The following IFT140 variants were observed in gnomAD, a reference collection of about 807,000 sequenced individuals.
IFT140 encodes intraflagellar transport protein 140 homolog.
Under a neutral mutation model 164.6 loss-of-function variants are expected in IFT140, and 133 were observed. The ratio of observed to expected loss-of-function variants is 0.81; its 90% CI spans 0.70 to 0.93. IFT140 has a LOEUF of 0.93. IFT140 is among the 40% of genes least tolerant of loss of function. The pLI is 0.00. For missense variants in IFT140, 2,045 were observed against 1,972.3 expected, an observed-to-expected ratio of 1.04 and a Z score of -0.70; for synonymous variants, 860 against 817.3, an observed-to-expected ratio of 1.05 and a Z score of -0.89.
Position 1,520,856 on chromosome 16 carries a change from T to C in IFT140, c.3454-48A>G, listed in dbSNP as rs932391. On this transcript the variant is annotated intron_variant, in intron 26 of 30. Transcript: ENST00000426508. ...CGGGGCTGCCGAGGGGGCCGGGAACTGAAGTGCGCCCCTCATCTGCCACCG... is the reference window on the plus strand; with the variant it reads ...CGGGGCTGCCGAGGGGGCCGGGAACCGAAGTGCGCCCCTCATCTGCCACCG... The C allele has an allele frequency of 0.34, 521,435 of 1,542,662 alleles. 100,293 individuals carry two copies. Among genetic ancestry groups the C allele is most frequent in the African/African-American group, 0.77 (56,864 of 74,204 alleles).
chr16:1,581,406 C>A (rs1021514043), intron 12 of IFT140, among the ~76,000 whole-genome samples: 11 of 151,948 alleles, frequency 7.2e-5, no homozygotes, highest in African/African-American at 2.7e-4. Flanking sequence ...TTGAAACCAG[C>A]CTGGCCAACA....
At chr16:1,513,757 T>C (rs1221494955) in intron 30 of IFT140, among the ~76,000 whole-genome samples, 1 of 149,190 alleles carries the variant, frequency 6.7e-6, no homozygotes, top group East Asian at 2.2e-4. Context: ...CACTGCAAGC[T>C]CCGCCTCCCG....
intron 18 of IFT140, among the ~76,000 whole-genome samples, chr16:1,561,126 G>C (rs1230962903): frequency 6.6e-6 from 1 of 152,236 alleles, no homozygotes; most frequent in East Asian, 1.9e-4. Context: ...ACGTGACTCG[G>C]GATGCTCCCA....
At position 1,553,387 on chromosome 16, in the gene IFT140, T is replaced by C; in HGVS notation, c.2399+4548A>G. 5.1e-6 allele frequency: 5 copies of C among 985,314 alleles called. No homozygotes were observed. The highest frequency in any genetic ancestry group is 1.7e-5 in the African/African-American group (1 of 57,332). The allele number at this position is 985,314 out of a possible 1,614,324, so 61.0% of individuals were successfully genotyped here. On this transcript the variant is annotated intron_variant, in intron 19 of 30. Transcript: ENST00000426508. The surrounding 1 kb of genome is among the most constrained non-coding windows in gnomAD (Gnocchi z 4.4). Reference sequence around the variant, plus strand: ...TGGGGCCACACAGGGCAGGGCATGATTTGGTTTCCTGGGGAATGCAGGGGA... The same window carrying C: ...TGGGGCCACACAGGGCAGGGCATGACTTGGTTTCCTGGGGAATGCAGGGGA...
chr16:1,591,223 T>C (rs2035163438), intron 6 of IFT140, among the ~76,000 whole-genome samples: 1 of 152,010 alleles, frequency 6.6e-6, no homozygotes, highest in Non-Finnish European at 1.5e-5. Flanking sequence ...TTCTTCCTTG[T>C]GGGCCTCATC....
chr16:1,589,671 G>A lies in IFT140; in HGVS notation c.744C>T (p.Val248=), dbSNP rs753895616. 1 of 1,614,098 alleles carries A rather than the reference G, an allele frequency of 6.2e-7. No individual in the cohort carries two copies. The highest frequency in any genetic ancestry group is 1.7e-5 in the Admixed American group (1 of 60,022). ...ACAGGGACAGCCGGAGGTTCTCTGTGACCACCACCAGTGCCTCCCTCTTCT... is the reference window on the plus strand; with the variant it reads ...ACAGGGACAGCCGGAGGTTCTCTGTAACCACCACCAGTGCCTCCCTCTTCT... ...YMEKREALVV[V]TENLRLSLYT... is the part of the protein sequence containing the mutation. The change falls in exon 7 of 31, where the codon GTC becomes GTT. Residue 248 remains valine (V), a synonymous_variant. Transcript: ENST00000426508.
intron 4 of IFT140, among the ~76,000 whole-genome samples, chr16:1,596,356 T>G (rs1040335999): frequency 3.3e-5 from 5 of 152,196 alleles, no homozygotes; most frequent in African/African-American, 1.2e-4. Context: ...TTTGATTTTT[T>G]GCACAAGTGA....
chr16:1,530,929 C>A (rs1296165763), intron 19 of IFT140: 3 of 152,420 alleles, frequency 2.0e-5, no homozygotes, highest in African/African-American at 7.2e-5. Flanking sequence ...CGCCCTCCTA[C>A]AGGCCCCTGC....
Position 1,553,220 on chromosome 16 carries a change from G to C in IFT140, c.2399+4715C>G. The C allele has an allele frequency of 1.0e-6, 1 of 977,358 alleles. No individual in the cohort carries two copies. The highest frequency in any genetic ancestry group is 1.8e-5 in the African/African-American group (1 of 57,060). 60.5% of individuals were successfully genotyped at this position (977,358 alleles called of 1,614,324 possible). On this transcript the variant is annotated intron_variant, in intron 19 of 30. Coordinates refer to ENST00000426508, the MANE Select transcript of IFT140 (RefSeq NM_014714.4). This position sits in a 1 kb window ranked among gnomAD's most constrained non-coding sequence, Gnocchi z 4.4. The stretch of plus-strand genomic sequence containing the variant: ...TGTGTCTCTGTCTCTGTCTCTCTCT[G>C]TCTCCATCTGTCTCTGTGTCTGTCT...
At chr16:1,591,182 G>A (rs1371878349) in intron 6 of IFT140, among the ~76,000 whole-genome samples, 1 of 152,112 alleles carries the variant, frequency 6.6e-6, no homozygotes, top group African/African-American at 2.4e-5. Flanking sequence ...CTCCTCCCTG[G>A]CACGCACCCC....
chr16:1,562,327 T>G (rs1200426023), intron 17 of IFT140, among the ~76,000 whole-genome samples: 1 of 152,076 alleles, frequency 6.6e-6, no homozygotes, highest in Non-Finnish European at 1.5e-5. Context: ...AGGACGCACC[T>G]CGTCCAGCTT....
rs149265820 is a variant in IFT140, at chr16:1,526,009, C to T, written c.2646G>A (p.Ala882=). ...HDLLNKFYQA[A]GRWQEALQVA... ...CCTGGAGGGCCTCCTGCCACCGGCC[C>T]GCAGCCTGGTAGAACTTGTTCAGGA... The change falls in exon 21 of 31, where the codon GCG becomes GCA. Residue 882 remains alanine (A), a synonymous_variant. Coordinates refer to ENST00000426508, the MANE Select transcript of IFT140 (RefSeq NM_014714.4). 28 of 1,601,090 alleles carry T rather than the reference C, an allele frequency of 1.7e-5. No individual in the cohort carries two copies. Among genetic ancestry groups the T allele is most frequent in the Middle Eastern group, 1.7e-4 (1 of 5,990 alleles).
In IFT140 at chr16:1,580,820, G is replaced by A; in HGVS notation, c.1463C>T (p.Ala488Val). The change falls in exon 13 of 31, where the codon GCA (alanine) becomes GTA (valine). Residue 488 changes from alanine to valine, a missense_variant. Physicochemically the swap from Ala to Val is moderately conservative, Grantham distance 64. Coordinates refer to ENST00000426508, the MANE Select transcript of IFT140 (RefSeq NM_014714.4). Reference protein sequence around the residue: ...GTFLCETPVLAMHEENVYTVE... With the variant: ...GTFLCETPVLVMHEENVYTVE... The stretch of plus-strand genomic sequence containing the variant: ...CGTGTAAACGTTTTCTTCATGCATT[G>A]CTAACACAGGCGTCTCACACAAGAA... 1 of 1,613,642 alleles carries A rather than the reference G, an allele frequency of 6.2e-7. No individual in the cohort carries two copies. The highest frequency in any genetic ancestry group is 8.5e-7 in the Non-Finnish European group (1 of 1,179,684).
intron 4 of IFT140, among the ~76,000 whole-genome samples, chr16:1,593,449 C>T (rs1217318966): frequency 3.3e-5 from 5 of 151,784 alleles, no homozygotes; most frequent in African/African-American, 9.7e-5. Flanking sequence ...GTAGCTGGGA[C>T]GACAGGTGCA....
At chr16:1,563,770 A>G (rs1220794047) in intron 17 of IFT140, among the ~76,000 whole-genome samples, 1 of 152,062 alleles carries the variant, frequency 6.6e-6, no homozygotes, top group Non-Finnish European at 1.5e-5. Context: ...CCATGCTAGG[A>G]AGATTTTTTT....
chr16:1,530,000 C>A (rs1291323987), intron 19 of IFT140, among the ~76,000 whole-genome samples: 4 of 152,208 alleles, frequency 2.6e-5, no homozygotes, highest in African/African-American at 9.7e-5. Context: ...AGACGTCTCA[C>A]TTCTCTAACA....
intron 17 of IFT140, among the ~76,000 whole-genome samples, 169 bp from the exon 18 acceptor site, chr16:1,562,285 T>C (rs1331764869): frequency 6.6e-6 from 1 of 151,862 alleles, no homozygotes; most frequent in Admixed American, 6.6e-5. Context: ...TTTTATCTGC[T>C]CCACTTGGGA....
In IFT140 at chr16:1,520,075, G is replaced by T. The variant is rs370993439; in HGVS notation, c.3874-28C>A. ...GTACAGATGAAACCCGTCAAGACCTGCCGGGCTCCACAGCCCTCCCCGGGG... is the reference window on the plus strand; with the variant it reads ...GTACAGATGAAACCCGTCAAGACCTTCCGGGCTCCACAGCCCTCCCCGGGG... On this transcript the variant is annotated intron_variant, in intron 28 of 30. Coordinates refer to ENST00000426508, the MANE Select transcript of IFT140 (RefSeq NM_014714.4). 1.7e-5 allele frequency: 27 copies of T among 1,607,942 alleles called. No individual in the cohort carries two copies. In the African/African-American group the frequency reaches 3.6e-4, roughly 22 times the overall value.
intron 13 of IFT140, chr16:1,578,109 C>G (rs2034369162): frequency 6.6e-6 from 1 of 152,190 alleles, no homozygotes; most frequent in Non-Finnish European, 1.5e-5. Context: ...TACTTCTCTC[C>G]CAGCTGGCAC....
Sources: gnomAD v4.1 joint callset for allele counts (sites outside exome capture counted in the v4.1 genomes callset) on GRCh38, gnomAD v4.1.1 for gene constraint, Gnocchi (gnomAD v3.1) non-coding constraint, MANE v1.5 for transcripts, NCBI Gene and HGNC (gene_info 2026-07-23, HGNC 2026-07-21) for gene names.